Variants in SMYD3 observed in about 807,000 individuals in gnomAD.
SMYD3 encodes the protein histone-lysine N-methyltransferase SMYD3.
In SMYD3, 36 loss-of-function variants were observed where a neutral mutation model predicts 57.7. The observed-to-expected ratio is 0.62, with a 90% confidence interval of 0.48 to 0.82. The LOEUF is 0.82. Ranked by LOEUF, SMYD3 falls within the 40% of genes least tolerant of loss-of-function variation. The pLI is 0.00. For missense variants in SMYD3, 515 were observed against 538.8 expected (o/e 0.96, Z 0.44); for synonymous variants, 211 against 195.0 (o/e 1.08, Z -0.68).
chr1:246,379,189 A>G (rs979366059), intron 1 of SMYD3, among the ~76,000 whole-genome samples: 1 of 150,936 alleles, frequency 6.6e-6, no homozygotes, highest in Non-Finnish European at 1.5e-5. Context: ...ATACTAAGCA[A>G]TTTAATCTCT....
intron 10 of SMYD3, among the ~76,000 whole-genome samples, chr1:245,839,513 C>T (rs548647309): frequency 1.3e-5 from 2 of 151,996 alleles, no homozygotes; most frequent in South Asian, 2.1e-4. Flanking sequence ...GAATGGATAG[C>T]GGTTTCCTGG....
intron 10 of SMYD3, among the ~76,000 whole-genome samples, chr1:245,858,027 A>T (rs1210802075): frequency 2.0e-5 from 3 of 152,312 alleles, no homozygotes; most frequent in Admixed American, 6.5e-5. Context: ...AAATGATTCA[A>T]CTGAAAGCAT....
intron 10 of SMYD3, among the ~76,000 whole-genome samples, chr1:245,798,431 CACAT>C (rs1269164858): frequency 7.3e-6 from 1 of 136,910 alleles, no homozygotes; most frequent in Admixed American, 7.1e-5. Flanking sequence ...CACCCCCACA[CACAT>C]ACACACACAT....
intron 5 of SMYD3, among the ~76,000 whole-genome samples, chr1:246,023,807 C>CTCTGTGTGTG (rs374649828): frequency 1.4e-5 from 2 of 139,512 alleles, no homozygotes; most frequent in East Asian, 4.3e-4. Flanking sequence ...TATTACAAAA[C>CTCTGTGTGTG]TGTGTGTGTG....
intron 5 of SMYD3, among the ~76,000 whole-genome samples, chr1:246,074,807 G>T (rs1188379283): frequency 5.3e-5 from 8 of 152,098 alleles, no homozygotes; most frequent in African/African-American, 1.9e-4. Context: ...AGGCCCAGCA[G>T]TCCGGAAAAG....
At chr1:246,307,500 A>G (rs2065003308) in intron 5 of SMYD3, among the ~76,000 whole-genome samples, 1 of 147,362 alleles carries the variant, frequency 6.8e-6, no homozygotes, top group African/African-American at 2.5e-5. Flanking sequence ...GCTCACTGCA[A>G]GCTCCGCCTC....
chr1:246,265,050 G>T (rs2064078442), intron 5 of SMYD3, among the ~76,000 whole-genome samples: 1 of 151,782 alleles, frequency 6.6e-6, no homozygotes, highest in African/African-American at 2.4e-5. Flanking sequence ...AATCCTGCTA[G>T]CTTTTCTTTT....
intron 1 of SMYD3, among the ~76,000 whole-genome samples, chr1:246,460,727 A>C (rs1015322714): frequency 1.3e-5 from 2 of 152,232 alleles, no homozygotes; most frequent in African/African-American, 4.8e-5. Context: ...TGATTTCATA[A>C]GTACTTGAAA....
intron 5 of SMYD3, among the ~76,000 whole-genome samples, chr1:246,136,352 A>G (rs2061665220): frequency 6.6e-6 from 1 of 152,202 alleles, no homozygotes; most frequent in Non-Finnish European, 1.5e-5. Flanking sequence ...TTCAGATTTT[A>G]AAGTTGAAAG....
intron 10 of SMYD3, among the ~76,000 whole-genome samples, chr1:245,823,253 T>G (rs2049280914): frequency 6.6e-6 from 1 of 152,180 alleles, no homozygotes; most frequent in Non-Finnish European, 1.5e-5. Flanking sequence ...AAAATCCATT[T>G]CTCCTTCTCT....
intron 5 of SMYD3, among the ~76,000 whole-genome samples, chr1:246,162,087 C>A (rs2062131597): frequency 6.6e-6 from 1 of 152,138 alleles, no homozygotes; most frequent in Non-Finnish European, 1.5e-5. Flanking sequence ...ACAGTAGTTT[C>A]TTGGTGAATC....
At chr1:246,301,125 G>C (rs2064886357) in intron 5 of SMYD3, among the ~76,000 whole-genome samples, 1 of 151,898 alleles carries the variant, frequency 6.6e-6, no homozygotes, top group Non-Finnish European at 1.5e-5. Flanking sequence ...GACTAATGAA[G>C]AGCAAAACCC....
At chr1:246,033,449 T>C (rs2059714358) in intron 5 of SMYD3, among the ~76,000 whole-genome samples, 1 of 152,162 alleles carries the variant, frequency 6.6e-6, no homozygotes. Context: ...GGAATTCTTG[T>C]GGTGATAGAA....
intron 7 of SMYD3, among the ~76,000 whole-genome samples, chr1:245,924,852 C>T (rs1187063571): frequency 2.0e-5 from 3 of 151,800 alleles, no homozygotes; most frequent in Admixed American, 6.6e-5. Flanking sequence ...TTAGTAGAGA[C>T]GGGGTTTCAC....
intron 5 of SMYD3, among the ~76,000 whole-genome samples, chr1:246,041,881 T>C (rs1315303627): frequency 6.6e-6 from 1 of 152,120 alleles, no homozygotes; most frequent in Non-Finnish European, 1.5e-5. Context: ...TAGATGAAAC[T>C]ACCAATAAAA....
intron 1 of SMYD3, among the ~76,000 whole-genome samples, chr1:246,453,819 C>A (rs1004870549): frequency 6.6e-6 from 1 of 152,164 alleles, no homozygotes; most frequent in African/African-American, 2.4e-5. Flanking sequence ...CTATTACCAG[C>A]CCAAGAGCAC....
chr1:246,361,087 TCAAA>T (rs1345274016), intron 1 of SMYD3, among the ~76,000 whole-genome samples: 2 of 152,040 alleles, frequency 1.3e-5, no homozygotes, highest in Non-Finnish European at 2.9e-5. Context: ...TACAAAGAAC[TCAAA>T]CAAATCAGCA....
At chr1:245,840,105 G>A (rs10802281) in intron 10 of SMYD3, among the ~76,000 whole-genome samples, 64,467 of 151,928 alleles carry the variant, frequency 0.42, 15,334 homozygotes, top group East Asian at 0.87. Flanking sequence ...CACTTTCAGA[G>A]TGAAAGAACA....
At chr1:245,995,918 A>T (rs763734866) in intron 5 of SMYD3, among the ~76,000 whole-genome samples, 1 of 152,208 alleles carries the variant, frequency 6.6e-6, no homozygotes, top group Non-Finnish European at 1.5e-5. Flanking sequence ...CTGAGAAGGG[A>T]GATGAAGTTT....
Sources: allele counts gnomAD v4.1 joint callset (sites outside exome capture counted in the v4.1 genomes callset), GRCh38; gene constraint gnomAD v4.1.1; transcripts MANE v1.5; gene names NCBI Gene and HGNC (gene_info 2026-07-23, HGNC 2026-07-21).